The following TMEM132B variants were observed in gnomAD, a reference collection of about 807,000 sequenced individuals.
TMEM132B encodes the protein transmembrane protein 132B.
TMEM132B carries 18 observed loss-of-function variants against 90.8 expected under a neutral mutation model. That is an observed-to-expected ratio of 0.20 (90% confidence interval 0.14 to 0.29). The LOEUF is 0.29. Ranked by LOEUF, TMEM132B falls within the 10% of genes least tolerant of loss-of-function variation. TMEM132B has a pLI of 1.00. For missense variants in TMEM132B, 1,096 were observed against 1,326.8 expected (o/e 0.83, Z 2.70); for synonymous variants, 504 against 523.3 (o/e 0.96, Z 0.50).
intron 1 of TMEM132B, among the ~76,000 whole-genome samples, chr12:125,206,180 CAG>C (rs2136061798): frequency 6.6e-6 from 1 of 152,274 alleles, no homozygotes; most frequent in African/African-American, 2.4e-5. Flanking sequence ...TGGTCTTCCT[CAG>C]AGGCACCAGA....
At chr12:125,382,546 T>TGAGCCTC (rs1429848319) in intron 2 of TMEM132B, among the ~76,000 whole-genome samples, 1 of 152,200 alleles carries the variant, frequency 6.6e-6, no homozygotes, top group Non-Finnish European at 1.5e-5. Context: ...TCCATTTCTC[T>TGAGCCTC]GAGCCTCAGT....
chr12:125,382,202 A>G (rs1050287479), intron 2 of TMEM132B, among the ~76,000 whole-genome samples: 1 of 152,208 alleles, frequency 6.6e-6, no homozygotes, highest in Non-Finnish European at 1.5e-5. Flanking sequence ...AATCATTTCC[A>G]TGGTGCACCC....
At chr12:125,619,615 T>G (rs1266537420) in intron 5 of TMEM132B, among the ~76,000 whole-genome samples, 1 of 152,046 alleles carries the variant, frequency 6.6e-6, no homozygotes, top group African/African-American at 2.4e-5. Context: ...TCCACCCACC[T>G]TAGCCTCCCA....
chr12:125,244,647 T>C (rs1874168046), intron 1 of TMEM132B, among the ~76,000 whole-genome samples: 1 of 152,360 alleles, frequency 6.6e-6, no homozygotes, highest in African/African-American at 2.4e-5. Flanking sequence ...CCGACTGTGC[T>C]GGCTTATGGT....
In TMEM132B at chr12:125,445,051, C is replaced by T. The variant is rs1880968473; in HGVS notation, c.1106+29374C>T. 6.6e-6 allele frequency among the ~76,000 whole-genome samples: 1 copy of T among 152,302 alleles called. No homozygotes were observed. Among genetic ancestry groups the T allele is most frequent in the Admixed American group, 6.5e-5 (1 of 15,306 alleles). On this transcript the variant is annotated intron_variant, in intron 3 of 8. Coordinates refer to ENST00000682704, the MANE Select transcript of TMEM132B (RefSeq NM_001366854.1). This position sits in a 1 kb window ranked among gnomAD's most constrained non-coding sequence, Gnocchi z 4.3. Reference sequence around the variant, plus strand: ...TGCTCCAAGAAGTATATGAACTGCTCAACTCATCTCATCCTCAGAGTATGG... The same window carrying T: ...TGCTCCAAGAAGTATATGAACTGCTTAACTCATCTCATCCTCAGAGTATGG...
At chr12:125,298,967 T>G (rs1269701998) in intron 1 of TMEM132B, among the ~76,000 whole-genome samples, 1 of 151,858 alleles carries the variant, frequency 6.6e-6, no homozygotes, top group African/African-American at 2.4e-5. Flanking sequence ...TCTCCTGACC[T>G]CGTGATCTGC....
At chr12:125,470,946 G>C (rs996619595) in intron 3 of TMEM132B, among the ~76,000 whole-genome samples, 1 of 152,230 alleles carries the variant, frequency 6.6e-6, no homozygotes, top group Non-Finnish European at 1.5e-5. Context: ...TTGGCCGGCT[G>C]CACCGAAATT....
intron 2 of TMEM132B, among the ~76,000 whole-genome samples, chr12:125,387,502 T>G (rs192674191): frequency 6.6e-6 from 1 of 152,348 alleles, no homozygotes; most frequent in African/African-American, 2.4e-5. Context: ...GAAGCCCCAC[T>G]TCACATGTCA....
chr12:125,653,321 A>G (rs1314318544), intron 8 of TMEM132B, among the ~76,000 whole-genome samples: 1 of 152,232 alleles, frequency 6.6e-6, no homozygotes, highest in Non-Finnish European at 1.5e-5. Flanking sequence ...TATGTATGCA[A>G]TAAATTAATT....
intron 6 of TMEM132B, among the ~76,000 whole-genome samples, chr12:125,647,221 A>G (rs951183332): frequency 1.3e-5 from 2 of 152,216 alleles, no homozygotes; most frequent in Non-Finnish European, 2.9e-5. Flanking sequence ...TTGTGGGACC[A>G]TAACAAAAGA....
At chr12:125,641,497 A>C (rs1886630089) in intron 5 of TMEM132B, among the ~76,000 whole-genome samples, 1 of 152,224 alleles carries the variant, frequency 6.6e-6, no homozygotes, top group African/African-American at 2.4e-5. Context: ...TAATTGAATT[A>C]CTTAAAATGG....
rs1287304801 is a variant in TMEM132B, at chr12:125,213,844, A to G, written c.67+26978A>G. Among the ~76,000 whole-genome samples, 1 of 152,258 alleles carries G rather than the reference A, an allele frequency of 6.6e-6. No individual in the cohort carries two copies. The highest frequency in any genetic ancestry group is 2.4e-5 in the African/African-American group (1 of 41,462). On this transcript the variant is annotated intron_variant, in intron 1 of 8. Transcript: ENST00000682704. This position sits in a 1 kb window ranked among gnomAD's most constrained non-coding sequence, Gnocchi z 4.2. ...AGTGCCAGGTTAGAATCTACTTTAC[A>G]AAAATGGCAGATGCTAGGTTGCCAC...
chr12:125,264,821 C>T (rs2136113136), intron 1 of TMEM132B, among the ~76,000 whole-genome samples: 1 of 152,362 alleles, frequency 6.6e-6, no homozygotes, highest in Non-Finnish European at 1.5e-5. Context: ...AATGCAAACA[C>T]CCAAACGCAT....
rs1462630831 is a variant in TMEM132B, at chr12:125,656,809, T to TAGAA, written c.*2100_*2101insGAAA. On this transcript the variant is annotated 3_prime_UTR_variant, in exon 9 of 9. Coordinates refer to ENST00000682704, the MANE Select transcript of TMEM132B (RefSeq NM_001366854.1). ...GCTATCCAGGTGAGTCGGCTCCTTC[T>TAGAA]ATGAGGCTTTTCAATCGTCTCTCCC... 1 of 152,214 alleles carries TAGAA rather than the reference T, an allele frequency of 6.6e-6. No individual in the cohort carries two copies. Among genetic ancestry groups the TAGAA allele is most frequent in the African/African-American group, 2.4e-5 (1 of 41,448 alleles). 9.4% of individuals were successfully genotyped at this position (152,214 alleles called of 1,614,324 possible).
chr12:125,454,111 C>T (rs1171984653), intron 3 of TMEM132B, among the ~76,000 whole-genome samples: 1 of 152,114 alleles, frequency 6.6e-6, no homozygotes, highest in African/African-American at 2.4e-5. Context: ...TTAGACCCAC[C>T]TATGTAGATG....
chr12:125,232,971 A>G (rs185630918), intron 1 of TMEM132B, among the ~76,000 whole-genome samples: 2 of 152,352 alleles, frequency 1.3e-5, no homozygotes, highest in Admixed American at 6.5e-5. Context: ...TGGTTGGATC[A>G]GATGGTCTTC....
rs115024268 is a variant in TMEM132B at position 125,469,330 on chromosome 12, A to G, written c.1107-50109A>G. ...AAACACTCTTTACAAATATAAGATTATAATTGTTCAAAGTTATAAGTGATG... is the reference window on the plus strand; with the variant it reads ...AAACACTCTTTACAAATATAAGATTGTAATTGTTCAAAGTTATAAGTGATG... On this transcript the variant is annotated intron_variant, in intron 3 of 8. Transcript: ENST00000682704. 4.6e-3 allele frequency among the ~76,000 whole-genome samples: 703 copies of G among 152,356 alleles called. 7 individuals are homozygous for G. The highest frequency in any genetic ancestry group is 0.015 in the African/African-American group (628 of 41,582).
In TMEM132B at chr12:125,493,530, C is replaced by A. The variant is rs1882413483; in HGVS notation, c.1107-25909C>A. Among the ~76,000 whole-genome samples, 12 of 152,062 alleles carry A rather than the reference C, an allele frequency of 7.9e-5. No individual in the cohort carries two copies. In the South Asian group the frequency reaches 2.5e-3, roughly 32 times the overall value. ...ATGTTAGTTTTTCTCCACTGGCCCT[C>A]ACTTCCACTCACCTTCCTCTCTTTT... On this transcript the variant is annotated intron_variant, in intron 3 of 8. Transcript: ENST00000682704.
At chr12:125,231,926 A>G (rs575760880) in intron 1 of TMEM132B, among the ~76,000 whole-genome samples, 143 of 151,340 alleles carry the variant, frequency 9.4e-4, no homozygotes, top group African/African-American at 3.4e-3. Flanking sequence ...TAAAAATACC[A>G]CCTCTCCATA....
Sources: allele counts gnomAD v4.1 joint callset (sites outside exome capture counted in the v4.1 genomes callset), GRCh38; gene constraint gnomAD v4.1.1; non-coding constraint Gnocchi (gnomAD v3.1); transcripts MANE v1.5; gene names NCBI Gene and HGNC (gene_info 2026-07-23, HGNC 2026-07-21).